B3GAT2: variants seen among roughly 807,000 people sequenced by gnomAD.
The protein encoded by B3GAT2 is galactosylgalactosylxylosylprotein 3-beta-glucuronosyltransferase 2.
A neutral mutation model predicts 27.8 loss-of-function variants in B3GAT2; 26 were observed. The observed-to-expected ratio is 0.93, with a 90% CI of 0.68 to 1.30. B3GAT2 has a LOEUF of 1.30. B3GAT2 is among the 50% of genes most tolerant of loss of function. B3GAT2 has a pLI of 0.00. For missense variants in B3GAT2, 458 were observed against 459.0 expected, an observed-to-expected ratio of 1.00 and a Z score of 0.02; for synonymous variants, 218 against 195.1, an observed-to-expected ratio of 1.12 and a Z score of -0.98.
intron 2 of B3GAT2, among the ~76,000 whole-genome samples, chr6:70,869,718 C>A (rs1771904288): frequency 6.6e-6 from 1 of 152,114 alleles, no homozygotes; most frequent in African/African-American, 2.4e-5. Flanking sequence ...TATATAAATA[C>A]AATTGATTTT....
intron 1 of B3GAT2, among the ~76,000 whole-genome samples, chr6:70,945,147 A>G (rs1035461610): frequency 7.2e-5 from 11 of 152,094 alleles, no homozygotes; most frequent in Non-Finnish European, 1.5e-4. Flanking sequence ...AAAACTGGAA[A>G]CTCTAAAAAG....
At chr6:70,883,518 CTAAT>C (rs1772132323) in intron 2 of B3GAT2, among the ~76,000 whole-genome samples, 1 of 149,508 alleles carries the variant, frequency 6.7e-6, no homozygotes, top group Non-Finnish European at 1.5e-5. Context: ...CTAGAATAGT[CTAAT>C]TAATCGAGAC....
At chr6:70,910,027 C>A (rs1401780920) in intron 1 of B3GAT2, among the ~76,000 whole-genome samples, 1 of 144,966 alleles carries the variant, frequency 6.9e-6, no homozygotes, top group Non-Finnish European at 1.6e-5. Context: ...AAGCCCACCA[C>A]CACACCCGGC....
Position 70,860,076 on chromosome 6 carries a change from G to C in B3GAT2, c.*1587C>G, listed in dbSNP as rs904686099. On this transcript the variant is annotated 3_prime_UTR_variant, in exon 4 of 4. Transcript: ENST00000230053. ...TTAAGAAATATTTGTATGGTACTCT[G>C]TTTTTATTCCAGTGCTTGGACTAGT... 5.4e-6 allele frequency: 6 copies of C among 1,114,674 alleles called. No individual in the cohort carries two copies. The highest frequency in any genetic ancestry group is 7.5e-6 in the Non-Finnish European group (6 of 800,098). The allele number at this position is 1,114,674 out of a possible 1,614,324, so 69.0% of individuals were successfully genotyped here. A position where few individuals can be genotyped will look rare whatever the true frequency, so the allele number is the denominator to read the frequency against.
chr6:70,956,357 C>A lies in B3GAT2; in HGVS notation c.73G>T (p.Val25Leu). ...WILIVIIMLD[V>L]DTRRPVPPLT... ...GGGGGCACTGGCCTGCGCGTGTCCA[C>A]GTCGAGCATGATGATGACAATTAGG... is the stretch of plus-strand genomic sequence containing the variant. The change falls in exon 1 of 4, where the codon GTG becomes TTG. Residue 25 changes from valine to leucine, a missense_variant. By Grantham distance (32) the Val-to-Leu change is conservative (BLOSUM62 1). Transcript: ENST00000230053. The A allele has an allele frequency of 6.4e-7, 1 of 1,565,122 alleles. No individual in the cohort carries two copies. The highest frequency in any genetic ancestry group is 1.9e-5 in the Admixed American group (1 of 52,040).
At chr6:70,940,993 A>G (rs1271680090) in intron 1 of B3GAT2, among the ~76,000 whole-genome samples, 2 of 151,986 alleles carry the variant, frequency 1.3e-5, no homozygotes, top group Non-Finnish European at 2.9e-5. Context: ...CTCCATCTAA[A>G]ATGTCCTTTA....
chr6:70,918,320 T>C (rs550814518), intron 1 of B3GAT2, among the ~76,000 whole-genome samples: 1 of 152,064 alleles, frequency 6.6e-6, no homozygotes, highest in African/African-American at 2.4e-5. Flanking sequence ...GTCTCCTGAA[T>C]ACAGTCAAGG....
At position 70,956,335 on chromosome 6, in the gene B3GAT2, G is replaced by C. The variant is rs776603346; in HGVS notation, c.95C>G (p.Pro32Arg). The C allele has an allele frequency of 6.3e-7, 1 of 1,577,256 alleles. No individual in the cohort carries two copies. The highest frequency in any genetic ancestry group is 1.1e-5 in the South Asian group (1 of 87,186). ...GAAGTAGGGGCGCGGGGTGAGCGGG[G>C]GCACTGGCCTGCGCGTGTCCACGTC... ...MLDVDTRRPV[P>R]PLTPRPYFSP... The change falls in exon 1 of 4, where the codon CCC becomes CGC. Residue 32 changes from proline to arginine, a missense_variant. Physicochemically the swap from Pro to Arg is moderately radical, Grantham distance 103 (BLOSUM62 -2). Coordinates refer to ENST00000230053, the MANE Select transcript of B3GAT2 (RefSeq NM_080742.3).
At chr6:70,896,793 T>C (rs1772394340) in intron 1 of B3GAT2, among the ~76,000 whole-genome samples, 1 of 152,260 alleles carries the variant, frequency 6.6e-6, no homozygotes, top group South Asian at 2.1e-4. Flanking sequence ...ATACCACAGT[T>C]TACACATTCA....
rs1278855396 is a variant in B3GAT2, at chr6:70,905,895, G to GTGTGTGTA, written c.592-11624_592-11623insTACACACA. On this transcript the variant is annotated intron_variant, in intron 1 of 3. Coordinates refer to ENST00000230053, the MANE Select transcript of B3GAT2 (RefSeq NM_080742.3). ...GAATGTCTCCTGGCACTGTGTGTGTGTGTGTGTGTATGTGTGTGTGTGTGC... is the reference window on the plus strand; with the variant it reads ...GAATGTCTCCTGGCACTGTGTGTGTGTGTGTGTATGTGTGTGTATGTGTGTGTGTGTGC... 2.0e-4 allele frequency among the ~76,000 whole-genome samples: 31 copies of GTGTGTGTA among 152,072 alleles called. 1 individual carries two copies. In the East Asian group the frequency reaches 6.0e-3, roughly 29 times the overall value.
At chr6:70,892,189 G>A (rs1772301110) in intron 2 of B3GAT2, among the ~76,000 whole-genome samples, 1 of 152,130 alleles carries the variant, frequency 6.6e-6, no homozygotes. Context: ...ATACTGAAAT[G>A]CTTAGAAAAA....
Position 70,957,038 on chromosome 6 carries a change from A to T in B3GAT2, c.-609T>A, listed in dbSNP as rs1218308155. On this transcript the variant is annotated 5_prime_UTR_variant, in exon 1 of 4. Transcript: ENST00000230053. ...CTCAGTCCCTTGCTCTTGTCTTCTC[A>T]GAACCTCTCCGGATCCAGCAGCAAG... 3.9e-5 allele frequency: 39 copies of T among 987,744 alleles called. No homozygotes were observed. The highest frequency in any genetic ancestry group is 6.1e-5 in the Admixed American group (1 of 16,482). 61.2% of individuals were successfully genotyped at this position (987,744 alleles called of 1,614,324 possible).
intron 1 of B3GAT2, among the ~76,000 whole-genome samples, chr6:70,910,528 G>A (rs1265297717): frequency 1.3e-5 from 2 of 152,136 alleles, no homozygotes; most frequent in African/African-American, 2.4e-5. Context: ...TGGTTACGTA[G>A]TATTACATGG....
rs1765669001 is a variant in B3GAT2, at chr6:70,956,993, C to G, written c.-564G>C. ...GGGTTGTGTCCCGGCTGTGTTCGCG[C>G]GCCGCAGCGGAAGCCTGCTCTCAGT... On this transcript the variant is annotated 5_prime_UTR_variant, in exon 1 of 4. Coordinates refer to ENST00000230053, the MANE Select transcript of B3GAT2 (RefSeq NM_080742.3). 1.0e-6 allele frequency: 1 copy of G among 998,978 alleles called. No individual in the cohort carries two copies. Among genetic ancestry groups the G allele is most frequent in the Non-Finnish European group, 1.2e-6 (1 of 839,552 alleles). 61.9% of individuals were successfully genotyped at this position (998,978 alleles called of 1,614,324 possible).
At position 70,902,631 on chromosome 6, in the gene B3GAT2, T is replaced by TACACACAC. The variant is rs1182910631; in HGVS notation, c.592-8360_592-8359insGTGTGTGT. On this transcript the variant is annotated intron_variant, in intron 1 of 3. Transcript: ENST00000230053. Reference sequence around the variant, plus strand: ...TAAGAAAATGGGATATATATATATATATATATACACACACACACACACACA... The same window carrying TACACACAC: ...TAAGAAAATGGGATATATATATATATACACACACATATATACACACACACACACACACA... Among the ~76,000 whole-genome samples the TACACACAC allele has an allele frequency of 2.3e-3, 333 of 142,564 alleles. 3 individuals are homozygous for TACACACAC. The highest frequency in any genetic ancestry group is 8.8e-3 in the African/African-American group (318 of 36,230). 93.5% of individuals were successfully genotyped at this position (142,564 alleles called of 152,430 possible).
At chr6:70,925,486 C>G (rs1460451278) in intron 1 of B3GAT2, among the ~76,000 whole-genome samples, 2 of 152,246 alleles carry the variant, frequency 1.3e-5, no homozygotes, top group Non-Finnish European at 2.9e-5. Context: ...AAACGGCACA[C>G]CAGGAGATTA....
chr6:70,862,804 T>C (rs1771783054), intron 2 of B3GAT2, among the ~76,000 whole-genome samples: 1 of 151,552 alleles, frequency 6.6e-6, no homozygotes, highest in Non-Finnish European at 1.5e-5. Context: ...ACCCTGTCTC[T>C]ACAAAAAATA....
Position 70,861,563 on chromosome 6 carries a change from TAAAAC to T in B3GAT2, c.*95_*99del. 1 of 1,101,336 alleles carries T rather than the reference TAAAAC, an allele frequency of 9.1e-7. No individual in the cohort carries two copies. The highest frequency in any genetic ancestry group is 1.3e-6 in the Non-Finnish European group (1 of 747,686). 68.2% of individuals were successfully genotyped at this position (1,101,336 alleles called of 1,614,324 possible). A position where few individuals can be genotyped will look rare whatever the true frequency, so the allele number is the denominator to read the frequency against. ...GACAAGAAAGGCTGCTGTACTGAAGTAAAACAAACAATACCTGAATGCTCTGTAGC... is the reference window on the plus strand; with the variant it reads ...GACAAGAAAGGCTGCTGTACTGAAGTAAACAATACCTGAATGCTCTGTAGC... On this transcript the variant is annotated 3_prime_UTR_variant, in exon 4 of 4. Coordinates refer to ENST00000230053, the MANE Select transcript of B3GAT2 (RefSeq NM_080742.3).
In B3GAT2 at chr6:70,956,258, C is replaced by T. The variant is rs771928642; in HGVS notation, c.172G>A (p.Gly58Ser). The T allele has an allele frequency of 1.2e-6, 2 of 1,610,960 alleles. No individual in the cohort carries two copies. Among genetic ancestry groups the T allele is most frequent in the Non-Finnish European group, 8.5e-7 (1 of 1,178,418 alleles). The change falls in exon 1 of 4, where the codon GGC becomes AGC. Residue 58 changes from glycine (G) to serine (S), a missense_variant. Gly to Ser is a moderately conservative substitution (Grantham distance 56). Transcript: ENST00000230053. The stretch of plus-strand genomic sequence containing the variant: ...CGCTTTTGGGTCCCGTGAGCCGGGC[C>T]GCCCCTGCGGAGCGGGAGTCGGGCG... ...GGARLPLRRGGPAHGTQKRNQ... is the reference protein window; with the variant it reads ...GGARLPLRRGSPAHGTQKRNQ...
Sources: allele counts gnomAD v4.1 joint callset (sites outside exome capture counted in the v4.1 genomes callset), GRCh38; gene constraint gnomAD v4.1.1; transcripts MANE v1.5; gene names NCBI Gene and HGNC (gene_info 2026-07-23, HGNC 2026-07-21).